The following PLXDC2 variants were observed in gnomAD, a reference collection of about 807,000 sequenced individuals.
PLXDC2 encodes plexin domain-containing protein 2.
Under a neutral mutation model 68.9 loss-of-function variants are expected in PLXDC2, and 40 were observed. The ratio of observed to expected loss-of-function variants is 0.58; its 90% CI spans 0.45 to 0.76. PLXDC2 has a LOEUF of 0.76. PLXDC2 is among the 30% of genes least tolerant of loss of function. The pLI is 0.00. For missense variants in PLXDC2, 644 were observed against 661.9 expected (o/e 0.97, Z 0.30); for synonymous variants, 243 against 234.2 (o/e 1.04, Z -0.34).
At chr10:19,886,036 T>C (rs1837840296) in intron 1 of PLXDC2, among the ~76,000 whole-genome samples, 1 of 152,170 alleles carries the variant, frequency 6.6e-6, no homozygotes, top group Non-Finnish European at 1.5e-5. Context: ...TCATTGAGGA[T>C]TGGTTTGTAG....
intron 7 of PLXDC2, among the ~76,000 whole-genome samples, chr10:20,175,551 G>A (rs1834515587): frequency 6.6e-6 from 1 of 152,096 alleles, no homozygotes; most frequent in Admixed American, 6.6e-5. Flanking sequence ...CTAGGCATGG[G>A]GGTGCATTGG....
intron 4 of PLXDC2, among the ~76,000 whole-genome samples, chr10:20,098,781 T>C (rs1833385176): frequency 6.6e-6 from 1 of 152,156 alleles, no homozygotes; most frequent in Admixed American, 6.5e-5. Context: ...TATAATCCAA[T>C]TCTGACAAAT....
At chr10:20,254,123 AAG>A (rs1299236952) in intron 13 of PLXDC2, among the ~76,000 whole-genome samples, 2 of 152,184 alleles carry the variant, frequency 1.3e-5, no homozygotes, top group South Asian at 2.1e-4. Context: ...GCATCATAGC[AAG>A]AGTCTTTTAA....
intron 4 of PLXDC2, among the ~76,000 whole-genome samples, chr10:20,098,633 T>C: frequency 6.6e-6 from 1 of 152,194 alleles, no homozygotes; most frequent in East Asian, 1.9e-4. Flanking sequence ...GTACACATTC[T>C]CACTTTCTTT....
At chr10:20,144,785 C>T (rs1231884520) in intron 5 of PLXDC2, among the ~76,000 whole-genome samples, 1 of 152,190 alleles carries the variant, frequency 6.6e-6, no homozygotes, top group Non-Finnish European at 1.5e-5. Context: ...CAAACTCCGA[C>T]ATTCACTAGG....
intron 1 of PLXDC2, among the ~76,000 whole-genome samples, chr10:19,868,298 G>A (rs897460860): frequency 3.3e-5 from 5 of 152,074 alleles, no homozygotes; most frequent in Non-Finnish European, 5.9e-5. Context: ...AGTCTCCAGT[G>A]TCTGTCATTC....
At chr10:19,999,641 A>G (rs1834900106) in intron 1 of PLXDC2, among the ~76,000 whole-genome samples, 2 of 152,162 alleles carry the variant, frequency 1.3e-5, no homozygotes, top group Non-Finnish European at 2.9e-5. Context: ...GCTAAGAGCT[A>G]CTATAGCAAG....
chr10:20,034,920 G>T (rs1333364736), intron 2 of PLXDC2, among the ~76,000 whole-genome samples: 3 of 152,028 alleles, frequency 2.0e-5, no homozygotes, highest in Non-Finnish European at 2.9e-5. Context: ...GGTTTGTGTA[G>T]GTACACTCCA....
At chr10:20,061,218 A>T (rs1836097218) in intron 3 of PLXDC2, among the ~76,000 whole-genome samples, 1 of 152,166 alleles carries the variant, frequency 6.6e-6, no homozygotes, top group African/African-American at 2.4e-5. Flanking sequence ...CTTATTCAAG[A>T]TCCAACCTAG....
Position 20,198,545 on chromosome 10 carries a change from C to A in PLXDC2, c.1062-13124C>A, listed in dbSNP as rs115624336. 8.0e-3 allele frequency among the ~76,000 whole-genome samples: 1,223 copies of A among 152,182 alleles called. 12 individuals are homozygous for A. Among genetic ancestry groups the A allele is most frequent in the African/African-American group, 0.025 (1,019 of 41,532 alleles). ...TCTTCAACTTTTAACTCTTAGTTAT[C>A]TACAATTTCCACCTTACTACAAAAA... is the stretch of plus-strand genomic sequence containing the variant. On this transcript the variant is annotated intron_variant, in intron 9 of 13. Transcript: ENST00000377252.
intron 1 of PLXDC2, among the ~76,000 whole-genome samples, chr10:19,924,494 C>T (rs939007564): frequency 1.3e-5 from 2 of 152,170 alleles, no homozygotes; most frequent in Non-Finnish European, 2.9e-5. Context: ...GGCCTTGATT[C>T]CTTGGCAAGG....
intron 1 of PLXDC2, among the ~76,000 whole-genome samples, chr10:19,995,918 A>G (rs1329988082): frequency 6.6e-6 from 1 of 152,200 alleles, no homozygotes; most frequent in Admixed American, 6.5e-5. Context: ...ATGCAATAGT[A>G]ACTATATTCA....
At chr10:20,043,287 C>G (rs775885080) in intron 2 of PLXDC2, 1 of 152,100 alleles carries the variant, frequency 6.6e-6, no homozygotes, top group Non-Finnish European at 1.5e-5. Flanking sequence ...AAGTCAAATA[C>G]CAAGTTCTAG....
chr10:20,205,829 G>A (rs1306527733), intron 9 of PLXDC2, among the ~76,000 whole-genome samples: 1 of 152,000 alleles, frequency 6.6e-6, no homozygotes, highest in Admixed American at 6.6e-5. Context: ...CTTAGAAAGG[G>A]AAAATAAGAG....
chr10:19,935,480 A>G (rs939666225), intron 1 of PLXDC2, among the ~76,000 whole-genome samples: 1 of 152,210 alleles, frequency 6.6e-6, no homozygotes, highest in African/African-American at 2.4e-5. Context: ...AGTTGGCCAG[A>G]GGAGGTGCAT....
At chr10:19,980,761 T>C in intron 1 of PLXDC2, among the ~76,000 whole-genome samples, 1 of 152,156 alleles carries the variant, frequency 6.6e-6, no homozygotes, top group Non-Finnish European at 1.5e-5. Context: ...GAGATCAGGG[T>C]GTCAAATTTC....
chr10:19,969,526 C>G (rs915689338), intron 1 of PLXDC2, among the ~76,000 whole-genome samples: 1 of 152,116 alleles, frequency 6.6e-6, no homozygotes, highest in Admixed American at 6.5e-5. Flanking sequence ...ATTTTCAAAG[C>G]TTTGGGTCTT....
intron 9 of PLXDC2, among the ~76,000 whole-genome samples, chr10:20,190,910 T>A (rs896346644): frequency 2.8e-4 from 43 of 152,014 alleles, no homozygotes; most frequent in African/African-American, 9.2e-4. Flanking sequence ...TATTTTATAT[T>A]TCTTAATAGG....
At chr10:20,278,855 AG>A in intron 13 of PLXDC2, among the ~76,000 whole-genome samples, 1 of 152,220 alleles carries the variant, frequency 6.6e-6, no homozygotes, top group East Asian at 1.9e-4. Flanking sequence ...TGAAAAATGG[AG>A]TAATAGTTTC....
Sources: allele counts gnomAD v4.1 joint callset (sites outside exome capture counted in the v4.1 genomes callset), GRCh38; gene constraint gnomAD v4.1.1; transcripts MANE v1.5; gene names NCBI Gene and HGNC (gene_info 2026-07-23, HGNC 2026-07-21).